CDH12: variants seen among roughly 807,000 people sequenced by gnomAD.
The protein encoded by CDH12 is cadherin-12.
A neutral mutation model predicts 74.1 loss-of-function variants in CDH12; 41 were observed. That is an observed-to-expected ratio of 0.55 (90% CI 0.43 to 0.72). CDH12 has a LOEUF of 0.72. CDH12 is among the 30% of genes least tolerant of loss of function. CDH12 has a pLI of 0.00. For missense variants in CDH12, 945 were observed against 977.2 expected (o/e 0.97, Z 0.44); for synonymous variants, 399 against 355.0 (o/e 1.12, Z -1.39).
chr5:21,985,390 A>T (rs1757472180), intron 5 of CDH12, among the ~76,000 whole-genome samples: 1 of 152,094 alleles, frequency 6.6e-6, no homozygotes, highest in Non-Finnish European at 1.5e-5. Flanking sequence ...CTTCTGATAG[A>T]TCTATACACA....
chr5:21,996,021 T>C (rs1366877211), intron 5 of CDH12, among the ~76,000 whole-genome samples: 2 of 152,016 alleles, frequency 1.3e-5, no homozygotes, highest in Non-Finnish European at 2.9e-5. Flanking sequence ...CTAATGAAGC[T>C]TGAAATTTAT....
intron 3 of CDH12, among the ~76,000 whole-genome samples, chr5:22,341,768 G>T (rs1031220590): frequency 5.9e-5 from 9 of 151,902 alleles, no homozygotes; most frequent in African/African-American, 2.2e-4. Flanking sequence ...CAACCGTTAG[G>T]CAATCATACA....
At chr5:22,195,680 C>T (rs1439843646) in intron 4 of CDH12, among the ~76,000 whole-genome samples, 1 of 152,126 alleles carries the variant, frequency 6.6e-6, no homozygotes, top group Admixed American at 6.5e-5. Flanking sequence ...TTTAAACACA[C>T]AGAAGCAAAG....
chr5:22,645,272 C>T (rs1739378057), intron 1 of CDH12, among the ~76,000 whole-genome samples: 1 of 152,028 alleles, frequency 6.6e-6, no homozygotes, highest in Non-Finnish European at 1.5e-5. Flanking sequence ...AAAATATCAA[C>T]ATCAACAGGA....
chr5:21,750,969 T>G lies in CDH12; in HGVS notation c.*768A>C, dbSNP rs1219161625. 11 of 152,042 alleles carry G rather than the reference T, an allele frequency of 7.2e-5. No homozygotes were observed. The East Asian group carries it at 2.1e-3, about 29-fold the overall frequency. 9.4% of individuals were successfully genotyped at this position (152,042 alleles called of 1,614,324 possible). A position where few individuals can be genotyped will look rare whatever the true frequency, so the allele number is the denominator to read the frequency against. Reference sequence around the variant, plus strand: ...TTCTTTTTTTTCTTTCTTTTTTTTTTGGAAAAGAAAGTAACATTTTAATGA... The same window carrying G: ...TTCTTTTTTTTCTTTCTTTTTTTTTGGGAAAAGAAAGTAACATTTTAATGA... On this transcript the variant is annotated 3_prime_UTR_variant, in exon 15 of 15. Coordinates refer to ENST00000382254, the MANE Select transcript of CDH12 (RefSeq NM_004061.5).
intron 1 of CDH12, among the ~76,000 whole-genome samples, chr5:22,802,116 C>T (rs1748559025): frequency 2.0e-5 from 3 of 148,390 alleles, no homozygotes; most frequent in Non-Finnish European, 4.5e-5. Context: ...ATATTAAATT[C>T]GTATTTTTTT....
chr5:22,493,925 A>T lies in CDH12; in HGVS notation c.-428+11345T>A, dbSNP rs1044274762. Reference sequence around the variant, plus strand: ...ACAAAAGGAATCTGACACAGGTTCTAGGATGAGTGGACAAGCTGTTGGCAG... The same window carrying T: ...ACAAAAGGAATCTGACACAGGTTCTTGGATGAGTGGACAAGCTGTTGGCAG... On this transcript the variant is annotated intron_variant, in intron 2 of 14. Coordinates refer to ENST00000382254, the MANE Select transcript of CDH12 (RefSeq NM_004061.5). 1.3e-5 allele frequency among the ~76,000 whole-genome samples: 2 copies of T among 152,162 alleles called. 1 individual carries two copies. Among genetic ancestry groups the T allele is most frequent in the South Asian group, 4.1e-4 (2 of 4,832 alleles).
intron 1 of CDH12, among the ~76,000 whole-genome samples, chr5:22,673,650 T>G (rs2126917817): frequency 6.6e-6 from 1 of 152,272 alleles, no homozygotes; most frequent in South Asian, 2.1e-4. Context: ...CCACAGATAA[T>G]TAAGTGTATT....
At chr5:22,621,524 A>G (rs1257641217) in intron 1 of CDH12, among the ~76,000 whole-genome samples, 1 of 152,140 alleles carries the variant, frequency 6.6e-6, no homozygotes, top group Non-Finnish European at 1.5e-5. Flanking sequence ...AGTGGGGATG[A>G]ATTACTAGTA....
intron 3 of CDH12, among the ~76,000 whole-genome samples, chr5:22,269,291 A>G (rs553038743): frequency 7.9e-5 from 12 of 152,250 alleles, no homozygotes; most frequent in South Asian, 2.1e-4. Context: ...AGTTTCTTCT[A>G]TTCTTCAAAT....
At chr5:22,231,843 T>C in intron 3 of CDH12, among the ~76,000 whole-genome samples, 1 of 152,050 alleles carries the variant, frequency 6.6e-6, no homozygotes, top group Non-Finnish European at 1.5e-5. Context: ...TATATAAAAA[T>C]CTAAGTAATT....
intron 1 of CDH12, among the ~76,000 whole-genome samples, chr5:22,687,441 T>C (rs1413258366): frequency 6.6e-6 from 1 of 152,170 alleles, no homozygotes; most frequent in African/African-American, 2.4e-5. Context: ...AGGGTCTCAC[T>C]CTGTTGCCCA....
chr5:22,054,821 C>G (rs1019872834), intron 5 of CDH12, among the ~76,000 whole-genome samples: 1 of 151,852 alleles, frequency 6.6e-6, no homozygotes, highest in Admixed American at 6.6e-5. Context: ...ATGTTAAAGC[C>G]AAGAATAGGC....
At chr5:22,687,035 C>T (rs1741834572) in intron 1 of CDH12, among the ~76,000 whole-genome samples, 1 of 152,196 alleles carries the variant, frequency 6.6e-6, no homozygotes, top group African/African-American at 2.4e-5. Context: ...GTGGCTCATG[C>T]CTGTAATCCC....
intron 1 of CDH12, among the ~76,000 whole-genome samples, chr5:22,704,459 A>G (rs2126964297): frequency 6.6e-6 from 1 of 152,270 alleles, no homozygotes; most frequent in Admixed American, 6.5e-5. Flanking sequence ...GGGAAATTTC[A>G]TAAAATATTA....
intron 1 of CDH12, among the ~76,000 whole-genome samples, chr5:22,791,176 C>T (rs527509747): frequency 6.6e-5 from 10 of 152,254 alleles, no homozygotes; most frequent in African/African-American, 1.7e-4. Context: ...TTAAATTCTC[C>T]GGAAGTTTGT....
intron 1 of CDH12, among the ~76,000 whole-genome samples, chr5:22,529,187 A>ATATG (rs1170829454): frequency 2.1e-5 from 1 of 47,106 alleles, no homozygotes; most frequent in Non-Finnish European, 4.5e-5. Flanking sequence ...ATATATATAT[A>ATATG]TAGAGAGAGA....
intron 1 of CDH12, among the ~76,000 whole-genome samples, chr5:22,846,382 T>C (rs1581057957): frequency 6.6e-6 from 1 of 152,144 alleles, no homozygotes; most frequent in Non-Finnish European, 1.5e-5. Flanking sequence ...TGCTACTGGA[T>C]GCAATTACCC....
intron 3 of CDH12, among the ~76,000 whole-genome samples, chr5:22,287,639 C>T (rs942791860): frequency 2.0e-5 from 3 of 148,340 alleles, no homozygotes; most frequent in Non-Finnish European, 4.4e-5. Flanking sequence ...AGGAGAATGG[C>T]GTGAACCTGG....
Sources: allele counts gnomAD v4.1 joint callset (sites outside exome capture counted in the v4.1 genomes callset), GRCh38; gene constraint gnomAD v4.1.1; transcripts MANE v1.5; gene names NCBI Gene and HGNC (gene_info 2026-07-23, HGNC 2026-07-21).